SLC25A37: variants seen among roughly 807,000 people sequenced by gnomAD.
SLC25A37 encodes the protein solute carrier family 25 member 37, also known as mitoferrin-1.
In SLC25A37, 17 loss-of-function variants were observed where a neutral mutation model predicts 31.0. The observed-to-expected ratio is 0.55, with a 90% CI of 0.38 to 0.82. SLC25A37 has a LOEUF of 0.82. Among genes scored for constraint, SLC25A37 ranks in the 40% least tolerant of loss-of-function variants. The probability of loss-of-function intolerance (pLI) is 0.00; values close to 1 mark genes in which losing one functional copy is unlikely to be tolerated. For synonymous variants in SLC25A37, 222 were observed against 193.0 expected, an observed-to-expected ratio of 1.15 and a Z score of -1.24; for missense variants, 404 against 465.8, an observed-to-expected ratio of 0.87 and a Z score of 1.22.
chr8:23,540,544 A>G (rs1801868070), intron 1 of SLC25A37, among the ~76,000 whole-genome samples: 1 of 152,190 alleles, frequency 6.6e-6, no homozygotes, highest in South Asian at 2.1e-4. Context: ...GGATGATGAC[A>G]TATGGTTATT....
chr8:23,571,425 C>T lies in SLC25A37; in HGVS notation c.587C>T (p.Ala196Val). 6.2e-7 allele frequency: 1 copy of T among 1,613,964 alleles called. No individual in the cohort carries two copies. The highest frequency in any genetic ancestry group is 1.1e-5 in the South Asian group (1 of 91,084). ...GTGTGGAGGACCGAGGGGTTGGGGG[C>T]CTTCTACCGGAGCTACACCACGCAG... ...RTVWRTEGLG[A>V]FYRSYTTQLT... Residue 196 changes from alanine (A) to valine (V), a missense_variant, in exon 4 of 4, where the codon GCC becomes GTC. Ala to Val is a moderately conservative substitution (Grantham distance 64). Transcript: ENST00000519973.
chr8:23,560,409 G>A (rs1348430416), intron 1 of SLC25A37, among the ~76,000 whole-genome samples: 4 of 152,154 alleles, frequency 2.6e-5, no homozygotes, highest in African/African-American at 9.7e-5. Context: ...ATCCCTCCTT[G>A]CCTCTTCCTT....
At chr8:23,560,722 T>A (rs1323828162) in intron 1 of SLC25A37, among the ~76,000 whole-genome samples, 1 of 152,216 alleles carries the variant, frequency 6.6e-6, no homozygotes, top group African/African-American at 2.4e-5. Flanking sequence ...TAAACCACCC[T>A]GAGGACAGAG....
chr8:23,571,745 C>A lies in SLC25A37; in HGVS notation c.907C>A (p.Gln303Lys), dbSNP rs1418680853. Reference protein sequence around the residue: ...NGLAGYFKGIQARVIYQMPST... With the variant: ...NGLAGYFKGIKARVIYQMPST... ...CCTGGCCGGCTACTTCAAAGGCATC[C>A]AGGCGCGTGTCATCTACCAGATGCC... Residue 303 changes from glutamine (Q) to lysine (K), a missense_variant, in exon 4 of 4, where the codon CAG becomes AAG. Coordinates refer to ENST00000519973, the MANE Select transcript of SLC25A37 (RefSeq NM_016612.4). 1 of 1,613,938 alleles carries A rather than the reference C, an allele frequency of 6.2e-7. No individual in the cohort carries two copies. The highest frequency in any genetic ancestry group is 8.5e-7 in the Non-Finnish European group (1 of 1,179,918).
chr8:23,568,441 TG>T (rs1402812468), intron 3 of SLC25A37, 63 bp downstream of exon 3: 26 of 1,590,676 alleles, frequency 1.6e-5, no homozygotes, highest in Non-Finnish European at 2.1e-5. Flanking sequence ...AAAAAATGGT[TG>T]TGGGAGAGTG....
rs756571626 is a variant in SLC25A37, at chr8:23,528,976, G to A, written c.-27G>A. 1.4e-6 allele frequency: 2 copies of A among 1,451,656 alleles called. No individual in the cohort carries two copies. Among genetic ancestry groups the A allele is most frequent in the Non-Finnish European group, 1.8e-6 (2 of 1,100,006 alleles). 89.9% of individuals were successfully genotyped at this position (1,451,656 alleles called of 1,614,324 possible). On this transcript the variant is annotated 5_prime_UTR_variant, in exon 1 of 4. Transcript: ENST00000519973. ...TCCCCCTCCCTGCCCACCTCCTGCAGCCTCCTGCGCCCCGCCGAGCTGGCG... is the reference window on the plus strand; with the variant it reads ...TCCCCCTCCCTGCCCACCTCCTGCAACCTCCTGCGCCCCGCCGAGCTGGCG...
intron 1 of SLC25A37, among the ~76,000 whole-genome samples, chr8:23,533,797 A>G (rs554933321): frequency 1.3e-5 from 2 of 152,366 alleles, no homozygotes; most frequent in South Asian, 4.1e-4. Flanking sequence ...CATGCTGGCC[A>G]CAGACATACC....
At chr8:23,566,522 A>C in intron 2 of SLC25A37, 186 bp downstream of exon 2, 2 of 1,344,092 alleles carry the variant, frequency 1.5e-6, no homozygotes, top group Non-Finnish European at 1.9e-6. Context: ...GCGCACACAC[A>C]TGCTTTTTTC....
intron 2 of SLC25A37, 170 bp downstream of exon 2, chr8:23,566,506 ACG>A (rs1563266472): frequency 6.5e-6 from 9 of 1,381,290 alleles, no homozygotes; most frequent in South Asian, 1.8e-5. Context: ...ACGCACACAC[ACG>A]CGCGCGCACA....
At chr8:23,551,086 G>C (rs1220764247) in intron 1 of SLC25A37, among the ~76,000 whole-genome samples, 1 of 152,220 alleles carries the variant, frequency 6.6e-6, no homozygotes, top group Non-Finnish European at 1.5e-5. Flanking sequence ...CCTAGCCCTG[G>C]CCTGGACTTC....
At chr8:23,565,891 T>C (rs79687168) in intron 1 of SLC25A37, among the ~76,000 whole-genome samples, 2,262 of 152,380 alleles carry the variant, frequency 0.015, 26 homozygotes, top group Non-Finnish European at 0.02. Context: ...TCTTTCTCCC[T>C]TTATGGAGCA....
intron 3 of SLC25A37, among the ~76,000 whole-genome samples, chr8:23,569,429 T>A (rs868810938): frequency 1.6e-4 from 15 of 91,838 alleles, no homozygotes; most frequent in African/African-American, 3.3e-4. Context: ...ACACACACAC[T>A]CACTCTCTTA....
At chr8:23,570,556 G>T (rs941145629) in intron 3 of SLC25A37, among the ~76,000 whole-genome samples, 1 of 152,166 alleles carries the variant, frequency 6.6e-6, no homozygotes, top group South Asian at 2.1e-4. Flanking sequence ...TCAGTAAACA[G>T]GTAGTTAACT....
intron 2 of SLC25A37, 174 bp downstream of exon 2, chr8:23,566,510 G>A (rs974319631): frequency 1.5e-5 from 21 of 1,374,150 alleles, no homozygotes; most frequent in Admixed American, 8.0e-5. Flanking sequence ...ACACACACGC[G>A]CGCGCACACA....
intron 1 of SLC25A37, among the ~76,000 whole-genome samples, chr8:23,561,617 C>T (rs1802517478): frequency 6.6e-6 from 1 of 152,186 alleles, no homozygotes; most frequent in South Asian, 2.1e-4. Context: ...ACAGCCTGGG[C>T]ACTCTCTGTG....
In SLC25A37 at chr8:23,566,484, C is replaced by G. The variant is rs899763516; in HGVS notation, c.439+148C>G. The G allele has an allele frequency of 4.6e-5, 66 of 1,437,754 alleles. No homozygotes were observed. In the African/African-American group the frequency reaches 9.6e-4, roughly 21 times the overall value. The allele number at this position is 1,437,754 out of a possible 1,614,324, so 89.1% of individuals were successfully genotyped here. A position where few individuals can be genotyped will look rare whatever the true frequency, so the allele number is the denominator to read the frequency against. On this transcript the variant is annotated intron_variant, in intron 2 of 3. Transcript: ENST00000519973. ...TCAGAGTTGTGTGTGCAATGCACAC[C>G]CAGACACACGCACGCACACACACGC...
intron 1 of SLC25A37, among the ~76,000 whole-genome samples, chr8:23,564,023 C>A (rs1307791464): frequency 6.6e-6 from 1 of 152,038 alleles, no homozygotes; most frequent in Non-Finnish European, 1.5e-5. Flanking sequence ...TTTAAAGTAC[C>A]ATTTTATAAT....
Position 23,529,716 on chromosome 8 carries a change from C to A in SLC25A37, c.210+504C>A, listed in dbSNP as rs898310932. Among the ~76,000 whole-genome samples, 2 of 152,214 alleles carry A rather than the reference C, an allele frequency of 1.3e-5. No homozygotes were observed. The highest frequency in any genetic ancestry group is 2.9e-5 in the Non-Finnish European group (2 of 68,048). The stretch of plus-strand genomic sequence containing the variant: ...CTCGGGACTTGGTGTGTGGCTGCTG[C>A]TCCCCGGGTTATTTCGGGAACTTGG... On this transcript the variant is annotated intron_variant, in intron 1 of 3. Transcript: ENST00000519973. The surrounding 1 kb of genome is among the most constrained non-coding windows in gnomAD (Gnocchi z 4.1).
chr8:23,529,629 G>T lies in SLC25A37; in HGVS notation c.210+417G>T, dbSNP rs190244205. On this transcript the variant is annotated intron_variant, in intron 1 of 3. Coordinates refer to ENST00000519973, the MANE Select transcript of SLC25A37 (RefSeq NM_016612.4). This position sits in a 1 kb window ranked among gnomAD's most constrained non-coding sequence, Gnocchi z 4.1. Reference sequence around the variant, plus strand: ...TGCGCGGTTTCCGAGGGAGCTCCCCGCAGGGGAAGCCCTCACCACGCTGGA... The same window carrying T: ...TGCGCGGTTTCCGAGGGAGCTCCCCTCAGGGGAAGCCCTCACCACGCTGGA... Among the ~76,000 whole-genome samples, 825 of 152,302 alleles carry T rather than the reference G, an allele frequency of 5.4e-3. 6 individuals are homozygous for T. Among genetic ancestry groups the T allele is most frequent in the African/African-American group, 0.018 (760 of 41,572 alleles).
Sources: gnomAD v4.1 joint callset for allele counts (sites outside exome capture counted in the v4.1 genomes callset) on GRCh38, gnomAD v4.1.1 for gene constraint, Gnocchi (gnomAD v3.1) non-coding constraint, MANE v1.5 for transcripts, NCBI Gene and HGNC (gene_info 2026-07-23, HGNC 2026-07-21) for gene names.